The following TSC1 variants were observed in gnomAD, a reference collection of about 807,000 sequenced individuals.
TSC1 encodes the protein TSC complex subunit 1.
Under a neutral mutation model 124.3 loss-of-function variants are expected in TSC1, and 20 were observed. That is an observed-to-expected ratio of 0.16 (90% CI 0.11 to 0.23). The LOEUF is 0.23. TSC1 is among the 10% of genes least tolerant of loss of function. The pLI, the probability that TSC1 is intolerant of heterozygous loss-of-function variation, is 1.00. For synonymous variants in TSC1, 493 were observed against 539.1 expected (o/e 0.91, Z 1.19); for missense variants, 1,124 against 1,448.5 (o/e 0.78, Z 3.64).
chr9:132,928,731 T>C (rs1454604414), intron 3 of TSC1, 36 bp downstream of exon 3: 1 of 1,611,714 alleles, frequency 6.2e-7, no homozygotes, highest in South Asian at 1.1e-5. Flanking sequence ...CTCTTCTTTC[T>C]AGAAGATAAG....
In TSC1 at chr9:132,896,245, T is replaced by C. The variant is rs1219781302; in HGVS notation, c.3485A>G (p.Glu1162Gly). Residue 1162 changes from glutamate (E) to glycine (G), a missense_variant, in exon 23 of 23, where the codon GAA becomes GGA. Physicochemically the swap from Glu to Gly is moderately conservative, Grantham distance 98. Transcript: ENST00000298552. The surrounding 1 kb of genome is among the most constrained non-coding windows in gnomAD (Gnocchi z 4.5). ...ATTGACCATCATTCCTTAGCTGTGTTCATGATGAGTCTCATTGTAGTCCAT... is the reference window on the plus strand; with the variant it reads ...ATTGACCATCATTCCTTAGCTGTGTCCATGATGAGTCTCATTGTAGTCCAT... ...HIMDYNETHHEHS is the reference protein window; with the variant it reads ...HIMDYNETHHGHS 1 of 1,614,192 alleles carries C rather than the reference T, an allele frequency of 6.2e-7. No homozygotes were observed. Among genetic ancestry groups the C allele is most frequent in the Non-Finnish European group, 8.5e-7 (1 of 1,180,032 alleles).
chr9:132,900,461 A>G, intron 20 of TSC1: 1 of 496,914 alleles, frequency 2.0e-6, no homozygotes, highest in Non-Finnish European at 3.7e-6. Flanking sequence ...GAAAGGAAAC[A>G]CTTTACACCT....
In TSC1 at chr9:132,908,901, C is replaced by CTTTTTTTTTTTTTT. The variant is rs35234317; in HGVS notation, c.1264-1545_1264-1532dup. On this transcript the variant is annotated intron_variant, in intron 12 of 22. Coordinates refer to ENST00000298552, the MANE Select transcript of TSC1 (RefSeq NM_000368.5). ...TTAAAACCCACTAGTCTACCTTGCA[C>CTTTTTTTTTTTTTT]TTTTTTTTTTTTTTTTTGTGACAGT... is the stretch of plus-strand genomic sequence containing the variant. Among the ~76,000 whole-genome samples the CTTTTTTTTTTTTTT allele has an allele frequency of 4.3e-4, 52 of 121,498 alleles. 2 individuals are homozygous for CTTTTTTTTTTTTTT. The highest frequency in any genetic ancestry group is 6.1e-4 in the Non-Finnish European group (35 of 57,628). 79.7% of individuals were successfully genotyped at this position (121,498 alleles called of 152,430 possible). A position where few individuals can be genotyped will look rare whatever the true frequency, so the allele number is the denominator to read the frequency against.
At position 132,891,923 on chromosome 9, in the gene TSC1, G is replaced by C. The variant is rs1424993255; in HGVS notation, c.*4312C>G. On this transcript the variant is annotated 3_prime_UTR_variant, in exon 23 of 23. Coordinates refer to ENST00000298552, the MANE Select transcript of TSC1 (RefSeq NM_000368.5). The stretch of plus-strand genomic sequence containing the variant: ...TTCTCAGACTCTCAGGGTTTCCACT[G>C]AAAGGTCCATTCCAATGGTTAAACC... 8.6e-6 allele frequency: 2 copies of C among 233,358 alleles called. No homozygotes were observed. Among genetic ancestry groups the C allele is most frequent in the Non-Finnish European group, 1.7e-5 (2 of 117,972 alleles). 14.5% of individuals were successfully genotyped at this position (233,358 alleles called of 1,614,324 possible).
chr9:132,924,623 T>G (rs1026341475), intron 5 of TSC1, among the ~76,000 whole-genome samples: 2 of 152,214 alleles, frequency 1.3e-5, no homozygotes, highest in African/African-American at 4.8e-5. Context: ...TTAGATTATA[T>G]TCTCACCAAT....
In TSC1 at chr9:132,897,729, G is replaced by A. The variant is rs1007426559; in HGVS notation, c.2626-119C>T. On this transcript the variant is annotated intron_variant, in intron 20 of 22. Transcript: ENST00000298552. ...AAGGCATTTTAGTATACTGATAACA[G>A]AAATATAAACTAGTACAACTTTATG... 72 of 1,339,804 alleles carry A rather than the reference G, an allele frequency of 5.4e-5. 1 individual carries two copies. In the South Asian group the frequency reaches 9.5e-4, roughly 18 times the overall value. 83.0% of individuals were successfully genotyped at this position (1,339,804 alleles called of 1,614,324 possible).
chr9:132,933,552 G>C (rs1365874842), intron 2 of TSC1, among the ~76,000 whole-genome samples: 1 of 152,096 alleles, frequency 6.6e-6, no homozygotes, highest in Non-Finnish European at 1.5e-5. Context: ...CCAGGTACAA[G>C]GTTCCTTCCA....
rs919362622 is a variant in TSC1, at chr9:132,892,853, C to T, written c.*3382G>A. Reference sequence around the variant, plus strand: ...TGTGGTCTCAGAGATCCTTTCATCCCCATGACCATTTTATACATCCTCCCC... The same window carrying T: ...TGTGGTCTCAGAGATCCTTTCATCCTCATGACCATTTTATACATCCTCCCC... On this transcript the variant is annotated 3_prime_UTR_variant, in exon 23 of 23. Transcript: ENST00000298552. 4.3e-5 allele frequency: 10 copies of T among 233,128 alleles called. No homozygotes were observed. Among genetic ancestry groups the T allele is most frequent in the African/African-American group, 2.2e-4 (10 of 45,322 alleles). The allele number at this position is 233,128 out of a possible 1,614,324, so 14.4% of individuals were successfully genotyped here.
chr9:132,904,459 G>A lies in TSC1; in HGVS notation c.1998-5C>T, dbSNP rs1845548849. 1.2e-6 allele frequency: 2 copies of A among 1,613,902 alleles called. No individual in the cohort carries two copies. The highest frequency in any genetic ancestry group is 1.7e-6 in the Non-Finnish European group (2 of 1,179,954). Reference sequence around the variant, plus strand: ...GACTTGCTGGGTAAAGGCAACCTAGGAAGAAAGTTTTTGAGTAACAAAGTT... The same window carrying A: ...GACTTGCTGGGTAAAGGCAACCTAGAAAGAAAGTTTTTGAGTAACAAAGTT... On this transcript the variant is annotated splice_region_variant and splice_polypyrimidine_tract_variant and intron_variant, in intron 15 of 22. Transcript: ENST00000298552.
At position 132,910,268 on chromosome 9, in the gene TSC1, T is replaced by G. The variant is rs967230401; in HGVS notation, c.1263+303A>C. 1.2e-5 allele frequency: 7 copies of G among 577,540 alleles called. No individual in the cohort carries two copies. The African/African-American group carries it at 1.5e-4, about 12-fold the overall frequency. 35.8% of individuals were successfully genotyped at this position (577,540 alleles called of 1,614,324 possible). ...GTGAGCCATGATCGTGCCACTGCACTCCACCCTGGGCGACAGAGCAAGACC... is the reference window on the plus strand; with the variant it reads ...GTGAGCCATGATCGTGCCACTGCACGCCACCCTGGGCGACAGAGCAAGACC... On this transcript the variant is annotated intron_variant, in intron 12 of 22. Coordinates refer to ENST00000298552, the MANE Select transcript of TSC1 (RefSeq NM_000368.5).
rs1253867897 is a variant in TSC1, at chr9:132,923,501, G to A, written c.364-9C>T. On this transcript the variant is annotated splice_polypyrimidine_tract_variant and intron_variant, in intron 5 of 22. Coordinates refer to ENST00000298552, the MANE Select transcript of TSC1 (RefSeq NM_000368.5). The surrounding 1 kb of genome is among the most constrained non-coding windows in gnomAD (Gnocchi z 4.2). ...ACGACGTCAGTGTCCATCTGCAGGA[G>A]AAAAGGTCAAACAGGAAACGTCTGT... 1 of 1,614,106 alleles carries A rather than the reference G, an allele frequency of 6.2e-7. No homozygotes were observed. The highest frequency in any genetic ancestry group is 1.7e-5 in the Admixed American group (1 of 60,012).
rs1564501798 is a variant in TSC1 at position 132,925,685 on chromosome 9, T to C, written c.265A>G (p.Ile89Val). The change falls in exon 5 of 23, where the codon ATC (isoleucine) becomes GTC (valine). Residue 89 changes from isoleucine to valine, a missense_variant. Ile to Val is a conservative substitution (Grantham distance 29, BLOSUM62 3). Transcript: ENST00000298552. ...ATGACATGACCCAGTAACGAGAGGA[T>C]GGATAAACGAGTGGCGGCTTTGCCC... ...YVGKAATRLS[I>V]LSLLGHVIRL... 6.2e-7 allele frequency: 1 copy of C among 1,614,222 alleles called. No homozygotes were observed. Among genetic ancestry groups the C allele is most frequent in the Non-Finnish European group, 8.5e-7 (1 of 1,180,040 alleles).
Position 132,896,139 on chromosome 9 carries a change from C to T in TSC1, c.*96G>A. The T allele has an allele frequency of 1.3e-6, 2 of 1,578,394 alleles. No homozygotes were observed. Among genetic ancestry groups the T allele is most frequent in the Non-Finnish European group, 1.7e-6 (2 of 1,153,922 alleles). On this transcript the variant is annotated 3_prime_UTR_variant, in exon 23 of 23. Transcript: ENST00000298552. The surrounding 1 kb of genome is among the most constrained non-coding windows in gnomAD (Gnocchi z 4.5). ...TCCCATTTCCACACATGAACTTGCACTCAGACCCTGGAAACAGGAAAGCTT... is the reference window on the plus strand; with the variant it reads ...TCCCATTTCCACACATGAACTTGCATTCAGACCCTGGAAACAGGAAAGCTT...
rs1844958947 is a variant in TSC1, at chr9:132,894,991, CGTG to C, written c.*1241_*1243del. On this transcript the variant is annotated 3_prime_UTR_variant, in exon 23 of 23. Transcript: ENST00000298552. ...TGACTAGTGTCATCTCTCGGGAGCA[CGTG>C]GGGCAGCCTAGTGGGTATACACAGC... The C allele has an allele frequency of 4.3e-6, 1 of 232,068 alleles. No individual in the cohort carries two copies. The highest frequency in any genetic ancestry group is 8.5e-6 in the Non-Finnish European group (1 of 117,280). The allele number at this position is 232,068 out of a possible 1,614,324, so 14.4% of individuals were successfully genotyped here.
At position 132,906,335 on chromosome 9, in the gene TSC1, C is replaced by T; in HGVS notation, c.1439-196G>A. Reference sequence around the variant, plus strand: ...CTGAGGAGGGAGGATCACTTGAGCCCAGGAGTTAGAGACCAGCCTGGACAA... The same window carrying T: ...CTGAGGAGGGAGGATCACTTGAGCCTAGGAGTTAGAGACCAGCCTGGACAA... On this transcript the variant is annotated intron_variant, in intron 14 of 22. Transcript: ENST00000298552. This position sits in a 1 kb window ranked among gnomAD's most constrained non-coding sequence, Gnocchi z 4.1. 1.5e-6 allele frequency: 1 copy of T among 674,474 alleles called. No individual in the cohort carries two copies. The highest frequency in any genetic ancestry group is 2.6e-6 in the Non-Finnish European group (1 of 381,018). 41.8% of individuals were successfully genotyped at this position (674,474 alleles called of 1,614,324 possible). A position where few individuals can be genotyped will look rare whatever the true frequency, so the allele number is the denominator to read the frequency against.
intron 1 of TSC1, among the ~76,000 whole-genome samples, chr9:132,937,657 A>G (rs934188653): frequency 1.4e-4 from 21 of 152,146 alleles, no homozygotes; most frequent in African/African-American, 5.1e-4. Context: ...CCCATCCTAC[A>G]TAAAGGCCCT....
chr9:132,897,472 G>C lies in TSC1; in HGVS notation c.2764C>G (p.Leu922Val), dbSNP rs1011595359. 1.2e-6 allele frequency: 2 copies of C among 1,614,186 alleles called. No individual in the cohort carries two copies. The highest frequency in any genetic ancestry group is 2.2e-5 in the South Asian group (2 of 91,082). The change falls in exon 21 of 23, where the codon CTT becomes GTT. Residue 922 changes from leucine (L) to valine (V), a missense_variant. Physicochemically the swap from Leu to Val is conservative, Grantham distance 32. Around this residue, in one of 5 missense-constraint regions of TSC1, gnomAD observed 325 missense variants for 383.4 expected, o/e 0.85. Coordinates refer to ENST00000298552, the MANE Select transcript of TSC1 (RefSeq NM_000368.5). ...AGATATTTCTTCTGTTCCAAAAGAA[G>C]GTGGTCTTTCTTGGCCAGGTGAGAT... is the stretch of plus-strand genomic sequence containing the variant. ...LESHLAKKDH[L>V]LLEQKKYLED...
chr9:132,922,073 A>G lies in TSC1; in HGVS notation c.509-100T>C, dbSNP rs145331986. The stretch of plus-strand genomic sequence containing the variant: ...TGGCTGCCAGCAGGACTTTTTATCT[A>G]TGTATATTCCCACCTCACTCCAAAG... On this transcript the variant is annotated intron_variant, in intron 6 of 22. Transcript: ENST00000298552. 2.6e-4 allele frequency: 362 copies of G among 1,405,030 alleles called. 2 individuals carry two copies. In the African/African-American group the frequency reaches 4.6e-3, roughly 18 times the overall value. 87.0% of individuals were successfully genotyped at this position (1,405,030 alleles called of 1,614,324 possible). A position where few individuals can be genotyped will look rare whatever the true frequency, so the allele number is the denominator to read the frequency against.
intron 12 of TSC1, among the ~76,000 whole-genome samples, chr9:132,908,451 GTGT>G (rs1215444171): frequency 1.3e-5 from 2 of 152,144 alleles, no homozygotes; most frequent in Admixed American, 1.3e-4. Context: ...GTAAACATAT[GTGT>G]TGTTGTTTTT....
Sources: gnomAD v4.1 joint callset for allele counts (sites outside exome capture counted in the v4.1 genomes callset) on GRCh38, gnomAD v4.1.1 for gene constraint, gnomAD v4.1.1 regional missense constraint, Gnocchi (gnomAD v3.1) non-coding constraint, MANE v1.5 for transcripts, NCBI Gene and HGNC (gene_info 2026-07-23, HGNC 2026-07-21) for gene names.